Variants in APLF observed in about 807,000 individuals in gnomAD.
APLF encodes aprataxin and PNKP like factor.
APLF carries 61 observed loss-of-function variants against 55.6 expected under a neutral mutation model. That is an observed-to-expected ratio of 1.10 (90% CI 0.89 to 1.36). The LOEUF is 1.36. Among genes scored for constraint, APLF ranks in the 40% most tolerant of loss-of-function variants. APLF has a pLI of 0.00. For missense variants in APLF, 611 were observed against 602.5 expected (o/e 1.01, Z -0.15); for synonymous variants, 207 against 214.8 (o/e 0.96, Z 0.32).
chr2:68,502,174 T>C lies in APLF; in HGVS notation c.169-557T>C, dbSNP rs79842075. ...GACATTTCCCTTATGACCTACATGT[T>C]AAAGGTCCTACTTGTCAACACTGTT... On this transcript the variant is annotated intron_variant, in intron 2 of 9. Coordinates refer to ENST00000303795, the MANE Select transcript of APLF (RefSeq NM_173545.3). Among the ~76,000 whole-genome samples, 465 of 152,312 alleles carry C rather than the reference T, an allele frequency of 3.1e-3. 2 individuals carry two copies. Among genetic ancestry groups the C allele is most frequent in the African/African-American group, 0.011 (443 of 41,574 alleles).
intron 2 of APLF, among the ~76,000 whole-genome samples, chr2:68,499,095 C>G (rs1193144184): frequency 6.6e-6 from 1 of 151,840 alleles, no homozygotes; most frequent in African/African-American, 2.4e-5. Context: ...ATCTATCATT[C>G]TTTAGTATTT....
chr2:68,517,018 ATAATATAT>A (rs1669609593), intron 5 of APLF, among the ~76,000 whole-genome samples: 1 of 103,944 alleles, frequency 9.6e-6, no homozygotes, highest in South Asian at 2.6e-4. Context: ...ATAATATATA[ATAATATAT>A]TAATATATAA....
At chr2:68,508,640 C>G (rs1282200235) in intron 3 of APLF, among the ~76,000 whole-genome samples, 1 of 151,944 alleles carries the variant, frequency 6.6e-6, no homozygotes, top group Admixed American at 6.6e-5. Flanking sequence ...CTTCTAAGGA[C>G]ACAGTTAAGA....
chr2:68,484,613 A>G (rs550315089), intron 1 of APLF, among the ~76,000 whole-genome samples: 1 of 151,642 alleles, frequency 6.6e-6, no homozygotes, highest in African/African-American at 2.4e-5. Context: ...AATAGCTTGA[A>G]CCTGGGAGGC....
At chr2:68,519,102 T>TA (rs1669808258) in intron 5 of APLF, among the ~76,000 whole-genome samples, 3 of 131,176 alleles carry the variant, frequency 2.3e-5, no homozygotes, top group African/African-American at 8.5e-5. Context: ...TATATAATAA[T>TA]ATAATATATA....
intron 2 of APLF, among the ~76,000 whole-genome samples, chr2:68,499,011 TG>T (rs1180385555): frequency 6.6e-6 from 1 of 150,516 alleles, no homozygotes; most frequent in Non-Finnish European, 1.5e-5. Context: ...CAACTTATTT[TG>T]TTAAAAAAAA....
intron 9 of APLF, among the ~76,000 whole-genome samples, 155 bp from the exon 10 acceptor site, chr2:68,577,665 C>T (rs1469538526): frequency 2.6e-5 from 4 of 152,066 alleles, no homozygotes; most frequent in Non-Finnish European, 5.9e-5. Flanking sequence ...AATAACAAAG[C>T]ATCATTTTAG....
At position 68,529,472 on chromosome 2, in the gene APLF, G is replaced by A. The variant is rs988214101; in HGVS notation, c.804+3230G>A. 3.6e-6 allele frequency: 4 copies of A among 1,117,658 alleles called. No homozygotes were observed. Among genetic ancestry groups the A allele is most frequent in the African/African-American group, 1.6e-5 (1 of 61,924 alleles). 69.2% of individuals were successfully genotyped at this position (1,117,658 alleles called of 1,614,324 possible). The stretch of plus-strand genomic sequence containing the variant: ...GCTTAGTGAGTTGTCCATTTTGAGC[G>A]AGTTGTGCACAGACGAAACTAAGGG... On this transcript the variant is annotated intron_variant, in intron 6 of 9. Coordinates refer to ENST00000303795, the MANE Select transcript of APLF (RefSeq NM_173545.3). The surrounding 1 kb of genome is among the most constrained non-coding windows in gnomAD (Gnocchi z 4.4).
chr2:68,558,773 T>A (rs1397166901), intron 8 of APLF, among the ~76,000 whole-genome samples: 1 of 152,146 alleles, frequency 6.6e-6, no homozygotes, highest in African/African-American at 2.4e-5. Context: ...TAGCTATTCT[T>A]CCTGATGCTC....
chr2:68,551,607 T>C (rs1192916581), intron 8 of APLF, among the ~76,000 whole-genome samples: 2 of 150,434 alleles, frequency 1.3e-5, no homozygotes, highest in Non-Finnish European at 3.0e-5. Context: ...CTTCTTCTTT[T>C]TTTTTTTTTT....
intron 3 of APLF, 88 bp downstream of exon 3, chr2:68,502,991 A>G: frequency 1.5e-6 from 2 of 1,368,042 alleles, no homozygotes; most frequent in Admixed American, 4.5e-5. Context: ...ACCAGTAGAA[A>G]CCATTAAACT....
intron 3 of APLF, among the ~76,000 whole-genome samples, chr2:68,509,310 G>T (rs1263171755): frequency 6.6e-6 from 1 of 152,066 alleles, no homozygotes; most frequent in Non-Finnish European, 1.5e-5. Context: ...GAAAATTTTT[G>T]CAATCTGCTC....
At chr2:68,517,823 G>T (rs1268106752) in intron 5 of APLF, among the ~76,000 whole-genome samples, 1 of 142,572 alleles carries the variant, frequency 7.0e-6, no homozygotes, top group Non-Finnish European at 1.5e-5. Context: ...TCACTAATAT[G>T]TGTTAATATA....
In APLF at chr2:68,527,610, G is replaced by A. The variant is rs115543306; in HGVS notation, c.804+1368G>A. ...GCCGGGCAGAGGCAGTCCTCGATTC[G>A]CAGACAGGATGGCAGCCGGGCAGAG... On this transcript the variant is annotated intron_variant, in intron 6 of 9. Transcript: ENST00000303795. 9.6e-3 allele frequency among the ~76,000 whole-genome samples: 1,211 copies of A among 126,788 alleles called. 16 individuals carry two copies. The highest frequency in any genetic ancestry group is 0.037 in the Middle Eastern group (6 of 160). The allele number at this position is 126,788 out of a possible 152,430, so 83.2% of individuals were successfully genotyped here.
intron 8 of APLF, among the ~76,000 whole-genome samples, chr2:68,561,937 A>G (rs530595422): frequency 6.6e-5 from 10 of 152,202 alleles, no homozygotes; most frequent in South Asian, 2.1e-4. Context: ...TTGTACTCCA[A>G]CCAATGAGAA....
intron 7 of APLF, among the ~76,000 whole-genome samples, chr2:68,543,204 T>C (rs1670607528): frequency 6.6e-6 from 1 of 152,152 alleles, no homozygotes; most frequent in Non-Finnish European, 1.5e-5. Context: ...AGTTGTTGTT[T>C]AATGGGTATA....
At chr2:68,522,777 G>T (rs1669929888) in intron 5 of APLF, among the ~76,000 whole-genome samples, 1 of 151,954 alleles carries the variant, frequency 6.6e-6, no homozygotes, top group African/African-American at 2.4e-5. Context: ...TTCAATAAAT[G>T]ATGTTGAGAA....
At chr2:68,509,955 A>G (rs1206783378) in intron 3 of APLF, among the ~76,000 whole-genome samples, 3 of 151,734 alleles carry the variant, frequency 2.0e-5, no homozygotes, top group Non-Finnish European at 2.9e-5. Flanking sequence ...ATTCTCAGCA[A>G]ACTATCGCAA....
Position 68,523,493 on chromosome 2 carries a change from A to G in APLF, c.623-2568A>G, listed in dbSNP as rs72901939. Reference sequence around the variant, plus strand: ...CTTTTAGTCCTGTATATGTTTATGCATATGTATTTGTAGATATATTTGCTT... The same window carrying G: ...CTTTTAGTCCTGTATATGTTTATGCGTATGTATTTGTAGATATATTTGCTT... On this transcript the variant is annotated intron_variant, in intron 5 of 9. Coordinates refer to ENST00000303795, the MANE Select transcript of APLF (RefSeq NM_173545.3). Among the ~76,000 whole-genome samples the G allele has an allele frequency of 6.5e-3, 986 of 152,104 alleles. 7 individuals are homozygous for G. Among genetic ancestry groups the G allele is most frequent in the African/African-American group, 0.023 (942 of 41,552 alleles).
Sources: gnomAD v4.1 joint callset for allele counts (sites outside exome capture counted in the v4.1 genomes callset) on GRCh38, gnomAD v4.1.1 for gene constraint, Gnocchi (gnomAD v3.1) non-coding constraint, MANE v1.5 for transcripts, NCBI Gene and HGNC (gene_info 2026-07-23, HGNC 2026-07-21) for gene names.